Variants in METAP1D observed in about 807,000 individuals in gnomAD.
METAP1D encodes the protein methionyl aminopeptidase type 1D, mitochondrial.
Under a neutral mutation model 40.5 loss-of-function variants are expected in METAP1D, and 31 were observed. The ratio of observed to expected loss-of-function variants is 0.77; its 90% CI spans 0.58 to 1.03. The LOEUF is 1.03. Among genes scored for constraint, METAP1D ranks in the 50% least tolerant of loss-of-function variants. METAP1D has a pLI of 0.00. For missense variants in METAP1D, 411 were observed against 420.7 expected, an observed-to-expected ratio of 0.98 and a Z score of 0.20; for synonymous variants, 151 against 146.4, an observed-to-expected ratio of 1.03 and a Z score of -0.22.
At chr2:172,009,742 T>G (rs1207324593) in intron 1 of METAP1D, among the ~76,000 whole-genome samples, 2 of 152,116 alleles carry the variant, frequency 1.3e-5, no homozygotes, top group Non-Finnish European at 2.9e-5. Flanking sequence ...GCTGCTTGTG[T>G]GTTCTGAATG....
intron 1 of METAP1D, among the ~76,000 whole-genome samples, chr2:172,048,702 C>T (rs1197646580): frequency 6.6e-6 from 1 of 152,162 alleles, no homozygotes; most frequent in Non-Finnish European, 1.5e-5. Context: ...TTGTAACACT[C>T]CAGTAGAAGC....
intron 1 of METAP1D, among the ~76,000 whole-genome samples, chr2:172,024,589 C>T (rs1416208488): frequency 1.3e-5 from 2 of 152,026 alleles, no homozygotes; most frequent in Non-Finnish European, 2.9e-5. Flanking sequence ...AAGCAGGTAA[C>T]CCCCCGCTAT....
intron 1 of METAP1D, among the ~76,000 whole-genome samples, chr2:172,035,129 A>T (rs1484664141): frequency 6.7e-6 from 1 of 149,112 alleles, no homozygotes; most frequent in Non-Finnish European, 1.5e-5. Flanking sequence ...GCAAATACCT[A>T]TGTAACTACT....
intron 1 of METAP1D, among the ~76,000 whole-genome samples, chr2:172,035,311 CCGG>C (rs1689349693): frequency 6.6e-6 from 1 of 152,056 alleles, no homozygotes; most frequent in Non-Finnish European, 1.5e-5. Flanking sequence ...ACTGCAGGCG[CCGG>C]CCACCACGCC....
At chr2:172,043,029 G>GTATA (rs1418296342) in intron 1 of METAP1D, among the ~76,000 whole-genome samples, 1 of 76,236 alleles carries the variant, frequency 1.3e-5, no homozygotes, top group Non-Finnish European at 3.8e-5. Flanking sequence ...ACATATATGT[G>GTATA]TATATGTGTA....
At chr2:172,011,708 G>A (rs1688726960) in intron 1 of METAP1D, among the ~76,000 whole-genome samples, 1 of 152,136 alleles carries the variant, frequency 6.6e-6, no homozygotes, top group Non-Finnish European at 1.5e-5. Flanking sequence ...CATCCCTATT[G>A]TGGCATGTGT....
intron 1 of METAP1D, among the ~76,000 whole-genome samples, chr2:172,005,546 C>CATATATATATATATCT (rs1688560372): frequency 1.3e-5 from 1 of 74,920 alleles, no homozygotes; most frequent in Non-Finnish European, 2.6e-5. Context: ...ATATATATAT[C>CATATATATATATATCT]TTTTTTTTTT....
At chr2:172,078,532 G>A (rs1409213352) in intron 7 of METAP1D, among the ~76,000 whole-genome samples, 1 of 152,206 alleles carries the variant, frequency 6.6e-6, no homozygotes, top group East Asian at 1.9e-4. Flanking sequence ...CCTGGACGGG[G>A]ATCAAAGGAA....
chr2:172,041,726 T>TTTATATA lies in METAP1D; in HGVS notation c.41-19771_41-19770insTATATAT, dbSNP rs1273069042. ...TTTTAATTTCCTTACTCTAATTATT[T>TTTATATA]TATATATATATATATATATATATAT... On this transcript the variant is annotated intron_variant, in intron 1 of 9. Transcript: ENST00000315796. 5.7e-3 allele frequency among the ~76,000 whole-genome samples: 214 copies of TTTATATA among 37,564 alleles called. 38 individuals are homozygous for TTTATATA. Among genetic ancestry groups the TTTATATA allele is most frequent in the Non-Finnish European group, 0.011 (177 of 15,588 alleles). 24.6% of individuals were successfully genotyped at this position (37,564 alleles called of 152,430 possible).
At chr2:172,054,717 A>C (rs1161927187) in intron 1 of METAP1D, among the ~76,000 whole-genome samples, 2 of 152,172 alleles carry the variant, frequency 1.3e-5, no homozygotes, top group Non-Finnish European at 2.9e-5. Context: ...AATATGAAAA[A>C]ATGTGCTGCA....
rs189797251 is a variant in METAP1D at position 172,002,083 on chromosome 2, C to T, written c.40+2074C>T. Among the ~76,000 whole-genome samples the T allele has an allele frequency of 2.1e-5, 3 of 145,718 alleles. No homozygotes were observed. The East Asian group carries it at 6.2e-4, about 30-fold the overall frequency. On this transcript the variant is annotated intron_variant, in intron 1 of 9. Coordinates refer to ENST00000315796, the MANE Select transcript of METAP1D (RefSeq NM_199227.3). ...AAAAAGATCTGGGTTCCAGTCCAAA[C>T]TTTCTTTACTAATTACTTTTCTGTT...
intron 1 of METAP1D, among the ~76,000 whole-genome samples, chr2:172,042,966 C>T (rs1404753546): frequency 1.6e-5 from 2 of 125,788 alleles, no homozygotes; most frequent in Admixed American, 1.6e-4. Flanking sequence ...TATATATATG[C>T]GTACATGTGC....
Position 172,042,897 on chromosome 2 carries a change from G to GTA in METAP1D, c.41-18599_41-18598dup, listed in dbSNP as rs1689633100. Among the ~76,000 whole-genome samples the GTA allele has an allele frequency of 1.6e-5, 2 of 127,216 alleles. 1 individual carries two copies. Among genetic ancestry groups the GTA allele is most frequent in the Non-Finnish European group, 3.7e-5 (2 of 54,598 alleles). The allele number at this position is 127,216 out of a possible 152,430, so 83.5% of individuals were successfully genotyped here. ...TGTGTGTAAATATGTACATATATGT[G>GTA]TATGTGTACATATGTATACATATAT... On this transcript the variant is annotated intron_variant, in intron 1 of 9. Coordinates refer to ENST00000315796, the MANE Select transcript of METAP1D (RefSeq NM_199227.3).
intron 6 of METAP1D, among the ~76,000 whole-genome samples, chr2:172,076,034 G>A (rs917408268): frequency 6.6e-6 from 1 of 152,188 alleles, no homozygotes; most frequent in Non-Finnish European, 1.5e-5. Context: ...GCAGAGGAAC[G>A]AGAGGTATGA....
Position 172,080,129 on chromosome 2 carries a change from G to A in METAP1D, c.852G>A (p.Glu284=). 1 of 1,613,524 alleles carries A rather than the reference G, an allele frequency of 6.2e-7. No individual in the cohort carries two copies. The highest frequency in any genetic ancestry group is 1.3e-5 in the African/African-American group (1 of 75,048). ...CAGTAAATATTTTTCCTCTTACAGA[G>A]CCAATCATCACGGAGGGATCCCCTG... The part of the protein sequence containing the change: ...PMEEGMAFTI[E]PIITEGSPEF... Residue 284 remains glutamate (E), a splice_region_variant and synonymous_variant, in exon 9 of 10, where the codon GAG becomes GAA. Transcript: ENST00000315796.
rs6742764 is a variant in METAP1D, at chr2:172,063,865, C to T, written c.348+5C>T. Reference sequence around the variant, plus strand: ...TTGGCTGGGAAGAGTTTAAAGGTGGCGTCTCACCAAGCCTCAGAACGACTT... The same window carrying T: ...TTGGCTGGGAAGAGTTTAAAGGTGGTGTCTCACCAAGCCTCAGAACGACTT... On this transcript the variant is annotated splice_donor_5th_base_variant and intron_variant, in intron 3 of 9. Coordinates refer to ENST00000315796, the MANE Select transcript of METAP1D (RefSeq NM_199227.3). The T allele has an allele frequency of 1.8e-3, 2,821 of 1,604,096 alleles. 20 individuals carry two copies. In the African/African-American group the frequency reaches 0.018, roughly 10 times the overall value.
chr2:172,012,774 G>A (rs180875836), intron 1 of METAP1D, among the ~76,000 whole-genome samples: 4 of 152,274 alleles, frequency 2.6e-5, no homozygotes, highest in Admixed American at 2.6e-4. Context: ...TACTGCTTAT[G>A]CTTAAATGTT....
At chr2:172,080,242 T>TG (rs1247575134) in intron 9 of METAP1D, 36 bp downstream of exon 9, 1 of 1,613,790 alleles carries the variant, frequency 6.2e-7, no homozygotes, top group Non-Finnish European at 8.5e-7. Context: ...TTAAATTGTA[T>TG]GGGAAAGGAA....
Position 172,065,759 on chromosome 2 carries a change from A to G in METAP1D, c.497+7A>G, listed in dbSNP as rs773997121. On this transcript the variant is annotated splice_region_variant and intron_variant, in intron 4 of 9. Coordinates refer to ENST00000315796, the MANE Select transcript of METAP1D (RefSeq NM_199227.3). The stretch of plus-strand genomic sequence containing the variant: ...GTCATGGTATTCCTGACAGGTATTC[A>G]GTTCTTAATAACATATTGTTCCTTT... 2 of 1,612,048 alleles carry G rather than the reference A, an allele frequency of 1.2e-6. No individual in the cohort carries two copies. Among genetic ancestry groups the G allele is most frequent in the Middle Eastern group, 1.7e-4 (1 of 6,052 alleles).
Sources: allele counts gnomAD v4.1 joint callset (sites outside exome capture counted in the v4.1 genomes callset), GRCh38; gene constraint gnomAD v4.1.1; transcripts MANE v1.5; gene names NCBI Gene and HGNC (gene_info 2026-07-23, HGNC 2026-07-21).